Variants in PRKD3 observed in about 807,000 individuals in gnomAD.
PRKD3 encodes serine/threonine-protein kinase D3.
PRKD3 carries 47 observed loss-of-function variants against 99.2 expected under a neutral mutation model. The ratio of observed to expected loss-of-function variants is 0.47; its 90% CI spans 0.38 to 0.60. The LOEUF is 0.60. Among genes scored for constraint, PRKD3 ranks in the 20% least tolerant of loss-of-function variants. The pLI, the probability that PRKD3 is intolerant of heterozygous loss-of-function variation, is 0.00. For synonymous variants in PRKD3, 392 were observed against 355.4 expected (o/e 1.10, Z -1.16); for missense variants, 1,019 against 1,088.4 (o/e 0.94, Z 0.90).
At chr2:37,262,805 T>C (rs1011524093) in intron 14 of PRKD3, among the ~76,000 whole-genome samples, 2 of 152,200 alleles carry the variant, frequency 1.3e-5, no homozygotes, top group African/African-American at 2.4e-5. Context: ...GAGTATGTTT[T>C]AGTAAGTTAT....
chr2:37,274,625 G>T lies in PRKD3; in HGVS notation c.1447C>A (p.Pro483Thr). ...TCAGTAATGATTTCAAAACAGTGTGGATTGCTGCCTTGTGAAATGTTTGTG... is the reference window on the plus strand; with the variant it reads ...TCAGTAATGATTTCAAAACAGTGTGTATTGCTGCCTTGTGAAATGTTTGTG... ...DFTNISQGSNPHCFEIITDTM... is the reference protein window; with the variant it reads ...DFTNISQGSNTHCFEIITDTM... Residue 483 changes from proline to threonine, a missense_variant, in exon 11 of 19, where the codon CCA (proline) becomes ACA (threonine). Physicochemically the swap from Pro to Thr is conservative, Grantham distance 38. Transcript: ENST00000234179. 6.2e-7 allele frequency: 1 copy of T among 1,614,044 alleles called. No homozygotes were observed. Among genetic ancestry groups the T allele is most frequent in the East Asian group, 2.2e-5 (1 of 44,878 alleles).
intron 1 of PRKD3, among the ~76,000 whole-genome samples, chr2:37,323,138 A>T (rs1671956092): frequency 6.6e-6 from 1 of 151,604 alleles, no homozygotes; most frequent in Non-Finnish European, 1.5e-5. Flanking sequence ...AAATCCACGA[A>T]CAGAAAGAAA....
At chr2:37,314,186 C>A (rs1364288260) in intron 2 of PRKD3, among the ~76,000 whole-genome samples, 2 of 152,126 alleles carry the variant, frequency 1.3e-5, no homozygotes, top group Non-Finnish European at 2.9e-5. Context: ...ATTGACCCAA[C>A]TGACATTTAT....
chr2:37,277,921 C>T lies in PRKD3; in HGVS notation c.1241G>A (p.Ser414Asn). ...VQSIKHTKRK[S>N]STMVKEGWMV... ...CCACCCTTCCTTCACCATTGTGCTG[C>T]TCTTCCTCTTTGTGTGCTTGATGGA... is the stretch of plus-strand genomic sequence containing the variant. Residue 414 changes from serine (S) to asparagine (N), a missense_variant, in exon 9 of 19, where the codon AGC (serine) becomes AAC (asparagine). This residue lies in a region of PRKD3 where 710 missense variants were observed against 692.7 expected (regional missense o/e 1.02). Coordinates refer to ENST00000234179, the MANE Select transcript of PRKD3 (RefSeq NM_005813.6). 1 of 1,613,608 alleles carries T rather than the reference C, an allele frequency of 6.2e-7. No individual in the cohort carries two copies. The highest frequency in any genetic ancestry group is 8.5e-7 in the Non-Finnish European group (1 of 1,179,636).
At chr2:37,309,010 A>T (rs957628456) in intron 2 of PRKD3, among the ~76,000 whole-genome samples, 1 of 152,074 alleles carries the variant, frequency 6.6e-6, no homozygotes, top group Non-Finnish European at 1.5e-5. Flanking sequence ...TCCTCCAGAT[A>T]AACTTTAACA....
Position 37,256,653 on chromosome 2 carries a change from T to G in PRKD3, c.2413+9A>C. 1 of 1,404,692 alleles carries G rather than the reference T, an allele frequency of 7.1e-7. No individual in the cohort carries two copies. Among genetic ancestry groups the G allele is most frequent in the Non-Finnish European group, 9.3e-7 (1 of 1,079,510 alleles). The allele number at this position is 1,404,692 out of a possible 1,614,324, so 87.0% of individuals were successfully genotyped here. A position where few individuals can be genotyped will look rare whatever the true frequency, so the allele number is the denominator to read the frequency against. ...ATTTTTTTTTTTTTTTTTTTTTTTT[T>G]TTTTTTACCTTCACCAGAAATTTCT... is the stretch of plus-strand genomic sequence containing the variant. On this transcript the variant is annotated intron_variant, in intron 17 of 18. Coordinates refer to ENST00000234179, the MANE Select transcript of PRKD3 (RefSeq NM_005813.6).
intron 7 of PRKD3, among the ~76,000 whole-genome samples, chr2:37,281,289 C>T (rs572479438): frequency 2.6e-5 from 4 of 152,108 alleles, no homozygotes; most frequent in Non-Finnish European, 5.9e-5. Flanking sequence ...AACACAAATA[C>T]ATGAAGTATA....
intron 1 of PRKD3, chr2:37,324,138 C>A: frequency 1.0e-6 from 1 of 982,126 alleles, no homozygotes; most frequent in Non-Finnish European, 1.2e-6. Flanking sequence ...ACTAGCAAAT[C>A]CAAACGCAGT....
At chr2:37,295,284 TTAAAA>T (rs948243654) in intron 2 of PRKD3, among the ~76,000 whole-genome samples, 2 of 151,534 alleles carry the variant, frequency 1.3e-5, no homozygotes, top group African/African-American at 4.9e-5. Context: ...AATAACAAAA[TTAAAA>T]TAAAAAATTA....
At chr2:37,254,077 G>T in intron 18 of PRKD3, 127 bp downstream of exon 18, 1 of 686,354 alleles carries the variant, frequency 1.5e-6, no homozygotes, top group African/African-American at 1.8e-5. Context: ...TTCAGCCATA[G>T]TACAAATTAA....
chr2:37,324,280 C>A (rs1672016596), intron 1 of PRKD3: 1 of 963,048 alleles, frequency 1.0e-6, no homozygotes, highest in Non-Finnish European at 1.2e-6. Flanking sequence ...CGCCGCGGGT[C>A]TGGCTTCGGG....
chr2:37,284,567 A>T (rs901930060), intron 6 of PRKD3, among the ~76,000 whole-genome samples: 4 of 152,154 alleles, frequency 2.6e-5, no homozygotes, highest in African/African-American at 9.6e-5. Flanking sequence ...GTTCTTTCCC[A>T]AAACATTTCT....
intron 2 of PRKD3, among the ~76,000 whole-genome samples, chr2:37,303,345 A>G (rs1671019908): frequency 6.6e-6 from 1 of 152,152 alleles, no homozygotes. Context: ...ACCCCAAAAA[A>G]GGCTGTTGCA....
chr2:37,277,183 T>G (rs1032025010), intron 9 of PRKD3, among the ~76,000 whole-genome samples: 2 of 152,294 alleles, frequency 1.3e-5, no homozygotes, highest in Middle Eastern at 3.4e-3. Context: ...ATTTATTGAG[T>G]GTTTCTGTAT....
In PRKD3 at chr2:37,289,415, G is replaced by A. The variant is rs1670282228; in HGVS notation, c.658C>T (p.Pro220Ser). The A allele has an allele frequency of 1.9e-6, 3 of 1,613,950 alleles. No individual in the cohort carries two copies. In the Admixed American group the frequency reaches 5.0e-5, roughly 27 times the overall value. Residue 220 changes from proline to serine, a missense_variant, in exon 5 of 19, where the codon CCC (proline) becomes TCC (serine). By Grantham distance (74) the Pro-to-Ser change is moderately conservative (BLOSUM62 -1). Coordinates refer to ENST00000234179, the MANE Select transcript of PRKD3 (RefSeq NM_005813.6). ...AGGGGTCTTGGAACTGAGAGGCCGG[G>A]TCCTGGTAAAGATACATTTGACAGA... ...RRLSNVSLPG[P>S]GLSVPRPLQP...
rs775542083 is a variant in PRKD3 at position 37,316,556 on chromosome 2, C to T, written c.-32G>A. 47 of 1,588,470 alleles carry T rather than the reference C, an allele frequency of 3.0e-5. No homozygotes were observed. In the East Asian group the frequency reaches 4.5e-4, roughly 15 times the overall value. On this transcript the variant is annotated 5_prime_UTR_variant, in exon 2 of 19. Coordinates refer to ENST00000234179, the MANE Select transcript of PRKD3 (RefSeq NM_005813.6). Reference sequence around the variant, plus strand: ...TTCTTTAATCTTTTAAAATAGTTGTCGATTCTTTTTCAATGGTTATGAAGA... The same window carrying T: ...TTCTTTAATCTTTTAAAATAGTTGTTGATTCTTTTTCAATGGTTATGAAGA...
chr2:37,283,272 C>T (rs1465909431), intron 6 of PRKD3, among the ~76,000 whole-genome samples: 1 of 152,148 alleles, frequency 6.6e-6, no homozygotes, highest in African/African-American at 2.4e-5. Context: ...TATCCCAGAC[C>T]TACTATATCA....
chr2:37,303,453 C>A (rs954478520), intron 2 of PRKD3, among the ~76,000 whole-genome samples: 1 of 152,044 alleles, frequency 6.6e-6, no homozygotes, highest in Non-Finnish European at 1.5e-5. Flanking sequence ...GGATGGCAGA[C>A]CTAAGAGAGT....
rs745406511 is a variant in PRKD3 at position 37,316,317 on chromosome 2, G to T, written c.208C>A (p.Arg70=). 6.2e-7 allele frequency: 1 copy of T among 1,614,196 alleles called. No homozygotes were observed. Among genetic ancestry groups the T allele is most frequent in the Admixed American group, 1.7e-5 (1 of 60,022 alleles). The stretch of plus-strand genomic sequence containing the variant: ...TGGGCTTCAATGGTAACACTCTCCC[G>T]TGTGAGGCCAATTTGCAGTAGAAAT... ...VSFLLQIGLT[R]ESVTIEAQEL... is the part of the protein sequence containing the mutation. Residue 70 remains arginine, a synonymous_variant, in exon 2 of 19, where the codon CGG becomes AGG. Coordinates refer to ENST00000234179, the MANE Select transcript of PRKD3 (RefSeq NM_005813.6).
Sources: gnomAD v4.1 joint callset for allele counts (sites outside exome capture counted in the v4.1 genomes callset) on GRCh38, gnomAD v4.1.1 for gene constraint, gnomAD v4.1.1 regional missense constraint, MANE v1.5 for transcripts, NCBI Gene and HGNC (gene_info 2026-07-23, HGNC 2026-07-21) for gene names.